The following ROBO1 variants were observed in gnomAD, a reference collection of about 807,000 sequenced individuals.
ROBO1 encodes the protein roundabout homolog 1.
Under a neutral mutation model 195.9 loss-of-function variants are expected in ROBO1, and 149 were observed. The ratio of observed to expected loss-of-function variants is 0.76; its 90% CI spans 0.67 to 0.87. ROBO1 has a LOEUF of 0.87. Among genes scored for constraint, ROBO1 ranks in the 40% least tolerant of loss-of-function variants. The pLI, the probability that ROBO1 is intolerant of heterozygous loss-of-function variation, is 0.00. For missense variants in ROBO1, 1,933 were observed against 2,068.3 expected (o/e 0.93, Z 1.27); for synonymous variants, 816 against 733.2 (o/e 1.11, Z -1.82).
chr3:79,015,370 C>A (rs1170653031), intron 3 of ROBO1, among the ~76,000 whole-genome samples: 1 of 150,058 alleles, frequency 6.7e-6, no homozygotes, highest in East Asian at 2.0e-4. Context: ...CAAGAGAAAC[C>A]CTCCCCCACG....
chr3:79,609,835 G>T (rs1272827815), intron 1 of ROBO1, among the ~76,000 whole-genome samples: 4 of 151,860 alleles, frequency 2.6e-5, no homozygotes, highest in African/African-American at 9.7e-5. Context: ...GAGGTTTGCA[G>T]GAGTTGAGGG....
chr3:79,288,132 G>A (rs1010242151), intron 2 of ROBO1, among the ~76,000 whole-genome samples: 17 of 151,934 alleles, frequency 1.1e-4, no homozygotes, highest in South Asian at 2.1e-4. Flanking sequence ...ATCTTCCTCC[G>A]TTTTCAAACT....
intron 4 of ROBO1, among the ~76,000 whole-genome samples, chr3:78,900,930 T>A (rs2037543880): frequency 6.6e-6 from 1 of 152,118 alleles, no homozygotes; most frequent in Admixed American, 6.5e-5. Flanking sequence ...AAATAGAAAA[T>A]GAAATGCAAC....
intron 2 of ROBO1, among the ~76,000 whole-genome samples, chr3:79,162,664 G>A (rs968146225): frequency 6.6e-5 from 10 of 152,096 alleles, no homozygotes; most frequent in Non-Finnish European, 1.3e-4. Context: ...GCAAACTTAC[G>A]TTTGCACCAA....
intron 4 of ROBO1, among the ~76,000 whole-genome samples, chr3:78,806,683 G>A (rs573163895): frequency 1.4e-4 from 22 of 152,174 alleles, no homozygotes; most frequent in South Asian, 6.2e-4. Flanking sequence ...TAAGTTAAGC[G>A]GGTAAGTTAC....
At chr3:79,599,066 T>C (rs573743063) in intron 1 of ROBO1, among the ~76,000 whole-genome samples, 48 of 152,204 alleles carry the variant, frequency 3.2e-4, no homozygotes, top group African/African-American at 1.1e-3. Flanking sequence ...AGACATATTC[T>C]GTGTACTTTA....
intron 3 of ROBO1, among the ~76,000 whole-genome samples, chr3:79,063,575 G>A (rs765334646): frequency 6.7e-6 from 1 of 150,246 alleles, no homozygotes; most frequent in Non-Finnish European, 1.5e-5. Flanking sequence ...TAAATCCAAT[G>A]GTAAATTTCA....
chr3:79,242,699 T>C (rs1350533110), intron 2 of ROBO1, among the ~76,000 whole-genome samples: 1 of 152,208 alleles, frequency 6.6e-6, no homozygotes, highest in Non-Finnish European at 1.5e-5. Context: ...ATTGATAACC[T>C]GAAGCTGGTT....
At chr3:79,277,878 A>G (rs1027616432) in intron 2 of ROBO1, among the ~76,000 whole-genome samples, 2 of 151,938 alleles carry the variant, frequency 1.3e-5, no homozygotes, top group Admixed American at 1.3e-4. Flanking sequence ...AAGAGGAAGT[A>G]AAGTTATCCC....
At chr3:79,123,583 T>G (rs2080160964) in intron 3 of ROBO1, among the ~76,000 whole-genome samples, 1 of 152,012 alleles carries the variant, frequency 6.6e-6, no homozygotes, top group Non-Finnish European at 1.5e-5. Context: ...GAGAGGTTTC[T>G]GAGTAATCAA....
chr3:78,607,210 G>GTTTATTTA, intron 28 of ROBO1, 169 bp from the exon 29 acceptor site: 1 of 639,208 alleles, frequency 1.6e-6, no homozygotes, highest in East Asian at 2.8e-5. Flanking sequence ...TAAAATTTAT[G>GTTTATTTA]TTTATTTATT....
chr3:79,649,368 C>A (rs1253048997), intron 1 of ROBO1, among the ~76,000 whole-genome samples: 1 of 151,836 alleles, frequency 6.6e-6, no homozygotes, highest in African/African-American at 2.4e-5. Context: ...ATTTATTTAA[C>A]CTATCTATAG....
chr3:79,319,761 A>G (rs1335235507), intron 2 of ROBO1, among the ~76,000 whole-genome samples: 2 of 152,168 alleles, frequency 1.3e-5, no homozygotes, highest in Admixed American at 1.3e-4. Flanking sequence ...TACAGTGGAC[A>G]CACAACTCAG....
intron 2 of ROBO1, among the ~76,000 whole-genome samples, chr3:79,439,471 T>G (rs2107111079): frequency 6.6e-6 from 1 of 152,232 alleles, no homozygotes; most frequent in Admixed American, 6.6e-5. Flanking sequence ...TAAATTATTT[T>G]TAGGTATGCT....
At chr3:79,574,927 T>G (rs1026602736) in intron 2 of ROBO1, among the ~76,000 whole-genome samples, 11 of 151,022 alleles carry the variant, frequency 7.3e-5, no homozygotes, top group South Asian at 2.1e-4. Flanking sequence ...AAAATAAAAC[T>G]AAAAACATAA....
rs192939323 is a variant in ROBO1, at chr3:79,271,507, G to A, written c.89-145968C>T. Among the ~76,000 whole-genome samples the A allele has an allele frequency of 2.0e-3, 307 of 151,956 alleles. 1 individual carries two copies. The highest frequency in any genetic ancestry group is 3.6e-3 in the Non-Finnish European group (245 of 67,912). On this transcript the variant is annotated intron_variant, in intron 2 of 30. Coordinates refer to ENST00000464233, the MANE Select transcript of ROBO1 (RefSeq NM_002941.4). ...CTATTCATTAAAAAAGCTCATGGTG[G>A]GAAAAACGAAAAGAAGGTATTCTAG...
intron 4 of ROBO1, among the ~76,000 whole-genome samples, chr3:78,860,824 C>G (rs1202514275): frequency 6.6e-6 from 1 of 152,112 alleles, no homozygotes; most frequent in Non-Finnish European, 1.5e-5. Context: ...AACTTTCCCA[C>G]CTTCACCCGA....
chr3:79,398,051 A>T (rs1023936607), intron 2 of ROBO1, among the ~76,000 whole-genome samples: 1 of 152,124 alleles, frequency 6.6e-6, no homozygotes, highest in African/African-American at 2.4e-5. Flanking sequence ...TTAATTATCC[A>T]TTGTCAAATT....
chr3:79,379,905 G>T (rs989179903), intron 2 of ROBO1, among the ~76,000 whole-genome samples: 1 of 152,132 alleles, frequency 6.6e-6, no homozygotes, highest in Non-Finnish European at 1.5e-5. Context: ...AGCACTCAAG[G>T]TGATTTTGAT....
Sources: gnomAD v4.1 joint callset for allele counts (sites outside exome capture counted in the v4.1 genomes callset) on GRCh38, gnomAD v4.1.1 for gene constraint, MANE v1.5 for transcripts, NCBI Gene and HGNC (gene_info 2026-07-23, HGNC 2026-07-21) for gene names.